Variants in PARP8 observed in about 807,000 individuals in gnomAD.
The protein encoded by PARP8 is poly(ADP-ribose) polymerase family member 8.
Under a neutral mutation model 124.1 loss-of-function variants are expected in PARP8, and 51 were observed. The observed-to-expected ratio is 0.41, with a 90% confidence interval of 0.33 to 0.52. PARP8 has a LOEUF of 0.52. PARP8 is among the 20% of genes least tolerant of loss of function. The pLI, the probability that PARP8 is intolerant of heterozygous loss-of-function variation, is 0.21. For synonymous variants in PARP8, 391 were observed against 361.5 expected, an observed-to-expected ratio of 1.08 and a Z score of -0.93; for missense variants, 860 against 1,018.9, an observed-to-expected ratio of 0.84 and a Z score of 2.12.
Position 50,837,803 on chromosome 5 carries a change from AAAG to A in PARP8, c.2462+2793_2462+2795del, listed in dbSNP as rs1046896146. Among the ~76,000 whole-genome samples the A allele has an allele frequency of 1.1e-4, 16 of 152,196 alleles. No homozygotes were observed. In the East Asian group the frequency reaches 1.2e-3, roughly 11 times the overall value. ...TAAAGGAAGATATCAATTAAAAAAA[AAAG>A]AAGAGAATTAGAAGTTCAAAAAATT... On this transcript the variant is annotated intron_variant, in intron 25 of 25. Coordinates refer to ENST00000281631, the MANE Select transcript of PARP8 (RefSeq NM_024615.4).
At chr5:50,677,628 C>T (rs906993598) in intron 2 of PARP8, among the ~76,000 whole-genome samples, 11 of 151,928 alleles carry the variant, frequency 7.2e-5, no homozygotes, top group Non-Finnish European at 1.2e-4. Context: ...TTTTTGTAAT[C>T]ATATTGCTAG....
At chr5:50,737,307 G>T (rs776988308) in intron 2 of PARP8, among the ~76,000 whole-genome samples, 2 of 152,102 alleles carry the variant, frequency 1.3e-5, no homozygotes, top group African/African-American at 2.4e-5. Context: ...ATACTCCAGG[G>T]ATAGCCTTGG....
intron 2 of PARP8, among the ~76,000 whole-genome samples, chr5:50,732,995 T>C (rs1757126709): frequency 6.6e-6 from 1 of 151,652 alleles, no homozygotes; most frequent in Non-Finnish European, 1.5e-5. Flanking sequence ...TCTGTGGTCA[T>C]AGATGACATT....
chr5:50,672,658 G>T (rs1464644315), intron 2 of PARP8, among the ~76,000 whole-genome samples: 2 of 152,152 alleles, frequency 1.3e-5, no homozygotes. Context: ...GACTCCAAGG[G>T]TAATTAATTC....
intron 24 of PARP8, chr5:50,834,719 C>T (rs1747368516): frequency 3.6e-6 from 2 of 554,058 alleles, no homozygotes; most frequent in East Asian, 3.3e-5. Context: ...TATTGTTATA[C>T]CAGTTGTTAT....
At chr5:50,674,129 A>G (rs1011123616) in intron 2 of PARP8, among the ~76,000 whole-genome samples, 27 of 152,234 alleles carry the variant, frequency 1.8e-4, no homozygotes, top group African/African-American at 6.5e-4. Flanking sequence ...TCACCATGAC[A>G]TAAGTTGGGC....
chr5:50,771,103 C>CTA (rs1180063182), intron 7 of PARP8, among the ~76,000 whole-genome samples: 12 of 146,802 alleles, frequency 8.2e-5, no homozygotes, highest in South Asian at 2.1e-4. Flanking sequence ...CTCTCTCTCT[C>CTA]TATATATATA....
At chr5:50,795,737 T>C (rs1448573142) in intron 12 of PARP8, among the ~76,000 whole-genome samples, 1 of 152,234 alleles carries the variant, frequency 6.6e-6, no homozygotes, top group Admixed American at 6.5e-5. Context: ...AAGCATATAA[T>C]TTTAATGTTT....
chr5:50,692,564 G>T (rs1480437657), intron 2 of PARP8, among the ~76,000 whole-genome samples: 3 of 151,888 alleles, frequency 2.0e-5, no homozygotes, highest in Admixed American at 2.0e-4. Context: ...CTGACTTAAA[G>T]AAGTACTCAG....
At chr5:50,814,947 G>C (rs760487707) in intron 14 of PARP8, among the ~76,000 whole-genome samples, 16 of 152,074 alleles carry the variant, frequency 1.1e-4, no homozygotes, top group Non-Finnish European at 1.9e-4. Flanking sequence ...TTCAAGAGCT[G>C]AGTAGCAAGT....
intron 2 of PARP8, among the ~76,000 whole-genome samples, chr5:50,734,675 A>C (rs1757307378): frequency 6.6e-6 from 1 of 152,126 alleles, no homozygotes. Flanking sequence ...TTGATTGATC[A>C]AATAAATATT....
intron 2 of PARP8, among the ~76,000 whole-genome samples, chr5:50,748,660 C>G (rs1278892270): frequency 4.9e-4 from 75 of 152,236 alleles, no homozygotes; most frequent in Non-Finnish European, 8.8e-5. Context: ...TCTGGCTGAA[C>G]AGTTGTCTCC....
At chr5:50,691,878 A>G (rs73098991) in intron 2 of PARP8, among the ~76,000 whole-genome samples, 2 of 152,158 alleles carry the variant, frequency 1.3e-5, no homozygotes, top group Non-Finnish European at 2.9e-5. Context: ...AGATGTCTTC[A>G]TCTCCCACAG....
intron 7 of PARP8, among the ~76,000 whole-genome samples, chr5:50,774,010 G>A (rs975037224): frequency 3.3e-5 from 5 of 151,950 alleles, no homozygotes; most frequent in African/African-American, 1.2e-4. Flanking sequence ...TGTGTCCCTG[G>A]GTACTTGAGA....
chr5:50,707,446 A>G (rs759505156), intron 2 of PARP8, among the ~76,000 whole-genome samples: 5 of 152,124 alleles, frequency 3.3e-5, no homozygotes, highest in Admixed American at 6.5e-5. Context: ...ACAGCTACCT[A>G]GAATTCATAA....
chr5:50,816,193 C>T (rs1293763662), intron 15 of PARP8, among the ~76,000 whole-genome samples: 1 of 151,916 alleles, frequency 6.6e-6, no homozygotes. Flanking sequence ...CAGATTATCC[C>T]CCAAATGGAT....
At chr5:50,727,463 C>A (rs1319932127) in intron 2 of PARP8, among the ~76,000 whole-genome samples, 2 of 152,084 alleles carry the variant, frequency 1.3e-5, no homozygotes, top group Non-Finnish European at 2.9e-5. Context: ...CTGCTTTGAT[C>A]CAGCTTTTGG....
chr5:50,700,480 A>C (rs1211974869), intron 2 of PARP8, among the ~76,000 whole-genome samples: 3 of 152,210 alleles, frequency 2.0e-5, no homozygotes, highest in African/African-American at 7.2e-5. Flanking sequence ...TGGGTCACCC[A>C]AATTATTTAC....
chr5:50,725,150 GTATA>G (rs143501846), intron 2 of PARP8, among the ~76,000 whole-genome samples: 1 of 148,306 alleles, frequency 6.7e-6, no homozygotes. Context: ...GTATATGTGT[GTATA>G]TATATATATA....
Sources: allele counts gnomAD v4.1 joint callset (sites outside exome capture counted in the v4.1 genomes callset), GRCh38; gene constraint gnomAD v4.1.1; transcripts MANE v1.5; gene names NCBI Gene and HGNC (gene_info 2026-07-23, HGNC 2026-07-21).